Variants in DGKB observed in about 807,000 individuals in gnomAD.
DGKB encodes the protein diacylglycerol kinase beta, also known as 90 kDa diacylglycerol kinase.
Under a neutral mutation model 114.3 loss-of-function variants are expected in DGKB, and 67 were observed. The observed-to-expected ratio is 0.59, with a 90% confidence interval of 0.48 to 0.72. The LOEUF is 0.72. Ranked by LOEUF, DGKB falls within the 30% of genes least tolerant of loss-of-function variation. DGKB has a pLI of 0.00. For synonymous variants in DGKB, 398 were observed against 323.1 expected (o/e 1.23, Z -2.49); for missense variants, 907 against 975.2 (o/e 0.93, Z 0.93).
chr7:14,719,198 C>T (rs1828740089), intron 5 of DGKB, among the ~76,000 whole-genome samples: 1 of 151,980 alleles, frequency 6.6e-6, no homozygotes, highest in African/African-American at 2.4e-5. Flanking sequence ...TCCTTTTTTA[C>T]CATCAAGGGA....
chr7:14,736,147 T>C lies in DGKB; in HGVS notation c.216A>G (p.Glu72=), dbSNP rs1831681533. The change falls in exon 5 of 26, where the codon GAA becomes GAG. Residue 72 remains glutamate (E), a synonymous_variant. Coordinates refer to ENST00000402815, the MANE Select transcript of DGKB (RefSeq NM_001350709.2). ...CAGTGAAATCATCAGGAAGCTCGGC[T>C]TCCAGGAATGTCTTCATGAATAGTT... ...GFKLFMKTFL[E]AELPDDFTAH... The C allele has an allele frequency of 6.2e-7, 1 of 1,609,168 alleles. No homozygotes were observed. The highest frequency in any genetic ancestry group is 1.1e-5 in the South Asian group (1 of 90,362).
intron 2 of DGKB, among the ~76,000 whole-genome samples, chr7:14,824,994 GTA>G (rs201905687): frequency 1.7e-5 from 2 of 120,766 alleles, no homozygotes; most frequent in African/African-American, 6.0e-5. Context: ...ATATATGTGT[GTA>G]TATATATATG....
At chr7:14,789,471 C>T (rs748583069) in intron 2 of DGKB, among the ~76,000 whole-genome samples, 2 of 152,166 alleles carry the variant, frequency 1.3e-5, no homozygotes, top group Non-Finnish European at 2.9e-5. Flanking sequence ...AGGGCTACCA[C>T]AGTGTCCTTA....
chr7:14,694,595 G>C (rs1244607856), intron 8 of DGKB, among the ~76,000 whole-genome samples: 1 of 152,120 alleles, frequency 6.6e-6, no homozygotes, highest in Non-Finnish European at 1.5e-5. Flanking sequence ...AAGTAGTAAG[G>C]GGCGAAGGAA....
intron 25 of DGKB, among the ~76,000 whole-genome samples, chr7:14,167,509 G>C (rs1441440464): frequency 2.0e-5 from 3 of 152,132 alleles, no homozygotes; most frequent in Admixed American, 6.5e-5. Flanking sequence ...AAAAATATCA[G>C]AGAGATCATG....
intron 6 of DGKB, among the ~76,000 whole-genome samples, chr7:14,706,496 A>T (rs1826260887): frequency 6.7e-6 from 1 of 149,838 alleles, no homozygotes; most frequent in African/African-American, 2.5e-5. Context: ...TCTCCACCCC[A>T]AATCAACAGA....
intron 23 of DGKB, among the ~76,000 whole-genome samples, chr7:14,302,861 A>T (rs1218118625): frequency 6.6e-6 from 1 of 152,124 alleles, no homozygotes; most frequent in Admixed American, 6.6e-5. Flanking sequence ...GTAATGTAAG[A>T]TCTATGATGG....
At chr7:14,385,990 A>T (rs1214105497) in intron 21 of DGKB, among the ~76,000 whole-genome samples, 1 of 152,252 alleles carries the variant, frequency 6.6e-6, no homozygotes, top group Non-Finnish European at 1.5e-5. Flanking sequence ...AGTGAAGTGA[A>T]AACTAAGGTT....
intron 21 of DGKB, among the ~76,000 whole-genome samples, chr7:14,397,937 A>G (rs1476787006): frequency 2.0e-5 from 3 of 152,182 alleles, no homozygotes; most frequent in East Asian, 3.9e-4. Flanking sequence ...TGTTATTTCA[A>G]AATGAATAGT....
At chr7:14,765,537 T>G (rs1836322100) in intron 2 of DGKB, among the ~76,000 whole-genome samples, 1 of 151,984 alleles carries the variant, frequency 6.6e-6, no homozygotes. Context: ...TAATTTTTAC[T>G]CCTTCATCTA....
rs1016910324 is a variant in DGKB at position 14,615,501 on chromosome 7, T to C, written c.1285-2088A>G. ...ATAAATATCCCACTGGAATAGATTA[T>C]AGTCTGTAAGGAATTTCAAAATAAA... On this transcript the variant is annotated intron_variant, in intron 15 of 25. Transcript: ENST00000402815. Among the ~76,000 whole-genome samples, 4 of 151,958 alleles carry C rather than the reference T, an allele frequency of 2.6e-5. No individual in the cohort carries two copies. The South Asian group carries it at 6.2e-4, about 24-fold the overall frequency.
At chr7:14,964,876 A>G (rs1787061521) in intron 1 of DGKB, among the ~76,000 whole-genome samples, 2 of 152,182 alleles carry the variant, frequency 1.3e-5, no homozygotes, top group Non-Finnish European at 2.9e-5. Context: ...ACTGAAACCC[A>G]ACTAAGAATG....
chr7:14,318,518 C>G (rs1335867392), intron 23 of DGKB, among the ~76,000 whole-genome samples: 1 of 152,104 alleles, frequency 6.6e-6, no homozygotes, highest in East Asian at 1.9e-4. Context: ...TTTATGCAGC[C>G]AAAAGACACA....
intron 21 of DGKB, among the ~76,000 whole-genome samples, chr7:14,401,394 T>C (rs1012851960): frequency 9.2e-5 from 14 of 151,822 alleles, no homozygotes; most frequent in African/African-American, 3.4e-4. Flanking sequence ...CCACAGTAAA[T>C]AAAAGAGAAA....
At chr7:14,776,487 C>G (rs1838209560) in intron 2 of DGKB, among the ~76,000 whole-genome samples, 1 of 152,150 alleles carries the variant, frequency 6.6e-6, no homozygotes. Context: ...TGTGTGCAGC[C>G]TAGGGACTTG....
At chr7:14,204,694 T>A (rs1401728165) in intron 23 of DGKB, among the ~76,000 whole-genome samples, 2 of 151,974 alleles carry the variant, frequency 1.3e-5, no homozygotes, top group Non-Finnish European at 2.9e-5. Flanking sequence ...TTCTGGAAAT[T>A]ACAAAATAGC....
chr7:14,678,918 A>G (rs1315447249), intron 12 of DGKB, among the ~76,000 whole-genome samples: 1 of 152,046 alleles, frequency 6.6e-6, no homozygotes, highest in African/African-American at 2.4e-5. Flanking sequence ...GTAAAAGACA[A>G]GAGTAAAAAA....
intron 23 of DGKB, among the ~76,000 whole-genome samples, chr7:14,282,983 A>G (rs1476910711): frequency 6.6e-6 from 1 of 151,918 alleles, no homozygotes; most frequent in East Asian, 1.9e-4. Flanking sequence ...CACCACTCCT[A>G]TTCAACATAG....
chr7:14,633,444 T>G (rs1220324333), intron 13 of DGKB, among the ~76,000 whole-genome samples: 8 of 151,928 alleles, frequency 5.3e-5, no homozygotes, highest in Admixed American at 5.3e-4. Flanking sequence ...TAACCTCATT[T>G]ACAATCAAAA....
Sources: allele counts gnomAD v4.1 joint callset (sites outside exome capture counted in the v4.1 genomes callset), GRCh38; gene constraint gnomAD v4.1.1; transcripts MANE v1.5; gene names NCBI Gene and HGNC (gene_info 2026-07-23, HGNC 2026-07-21).